The following PPP4R4 variants were observed in gnomAD, a reference collection of about 807,000 sequenced individuals.
PPP4R4 encodes the protein protein phosphatase 4 regulatory subunit 4, also known as serine/threonine-protein phosphatase 4 regulatory subunit 4.
PPP4R4 carries 70 observed loss-of-function variants against 121.8 expected under a neutral mutation model. That is an observed-to-expected ratio of 0.57 (90% CI 0.47 to 0.70). PPP4R4 has a LOEUF of 0.70. PPP4R4 is among the 30% of genes least tolerant of loss of function. PPP4R4 has a pLI of 0.00. For synonymous variants in PPP4R4, 348 were observed against 355.7 expected, an observed-to-expected ratio of 0.98 and a Z score of 0.24; for missense variants, 875 against 1,033.6, an observed-to-expected ratio of 0.85 and a Z score of 2.10.
At chr14:94,277,529 C>G (rs1894711334) in intron 24 of PPP4R4, among the ~76,000 whole-genome samples, 1 of 152,170 alleles carries the variant, frequency 6.6e-6, no homozygotes, top group African/African-American at 2.4e-5. Context: ...AAACCCTCTT[C>G]CTCTGAAAAG....
chr14:94,267,527 A>C (rs770281532), intron 23 of PPP4R4, among the ~76,000 whole-genome samples: 15 of 152,230 alleles, frequency 9.9e-5, no homozygotes, highest in Non-Finnish European at 1.5e-4. Flanking sequence ...TAGACAGTAC[A>C]TAATGAATAG....
intron 12 of PPP4R4, among the ~76,000 whole-genome samples, chr14:94,244,923 A>G (rs2139579696): frequency 6.6e-6 from 1 of 152,276 alleles, no homozygotes; most frequent in Non-Finnish European, 1.5e-5. Context: ...TTTAAAACTT[A>G]GTATATGTAT....
chr14:94,257,642 T>TGCAC (rs10528485), intron 17 of PPP4R4, among the ~76,000 whole-genome samples: 1 of 146,882 alleles, frequency 6.8e-6, no homozygotes, highest in African/African-American at 2.5e-5. Context: ...CATTTAAATC[T>TGCAC]ACACACACAC....
At chr14:94,260,973 A>G (rs1314331571) in intron 19 of PPP4R4, among the ~76,000 whole-genome samples, 2 of 151,940 alleles carry the variant, frequency 1.3e-5, no homozygotes, top group Admixed American at 6.6e-5. Flanking sequence ...TTTCAAGTAC[A>G]TTTTTATATA....
Position 94,230,736 on chromosome 14 carries a change from T to C in PPP4R4, c.442+2T>C, listed in dbSNP as rs1455229140. The stretch of plus-strand genomic sequence containing the variant: ...TGCATCTGGAGCACAGGGACACAGG[T>C]CAGGGGCCTGGCATGCTTAATTATA... On this transcript the variant is annotated splice_donor_variant, in intron 4 of 24. Transcript: ENST00000304338. LOFTEE classifies it high-confidence loss of function. 6 of 1,609,834 alleles carry C rather than the reference T, an allele frequency of 3.7e-6. No individual in the cohort carries two copies. The highest frequency in any genetic ancestry group is 5.1e-6 in the Non-Finnish European group (6 of 1,177,862).
At chr14:94,218,235 A>G (rs1034162687) in intron 3 of PPP4R4, among the ~76,000 whole-genome samples, 1 of 152,132 alleles carries the variant, frequency 6.6e-6, no homozygotes, top group Non-Finnish European at 1.5e-5. Flanking sequence ...GAGAAAGGAG[A>G]AATGGGAAGG....
At chr14:94,211,536 T>TGGG (rs1890738469) in intron 3 of PPP4R4, among the ~76,000 whole-genome samples, 1 of 151,844 alleles carries the variant, frequency 6.6e-6, no homozygotes, top group African/African-American at 2.4e-5. Context: ...CAGTGGATGG[T>TGGG]GTGGGGTGTG....
At position 94,174,595 on chromosome 14, in the gene PPP4R4, G is replaced by T. The variant is rs1335238079; in HGVS notation, c.117+13G>T. 6.2e-7 allele frequency: 1 copy of T among 1,609,876 alleles called. No homozygotes were observed. On this transcript the variant is annotated intron_variant, in intron 1 of 24. Coordinates refer to ENST00000304338, the MANE Select transcript of PPP4R4 (RefSeq NM_058237.2). The stretch of plus-strand genomic sequence containing the variant: ...CCGGAGCCTCAAGGTGCGCCCCGGG[G>T]AGAGGACCTGCCCTCACGGCGTCCG...
At chr14:94,193,715 A>G (rs117705307) in intron 2 of PPP4R4, among the ~76,000 whole-genome samples, 2,301 of 152,290 alleles carry the variant, frequency 0.015, 32 homozygotes, top group Middle Eastern at 0.031. Flanking sequence ...AGGCTTAGCA[A>G]TAGAAAAGTA....
chr14:94,227,261 A>T (rs1891766213), intron 3 of PPP4R4: 1 of 1,566,202 alleles, frequency 6.4e-7, no homozygotes, highest in African/African-American at 1.4e-5. Context: ...GCAATAGAGG[A>T]ATTTACTTTT....
In PPP4R4 at chr14:94,203,755, C is replaced by T. The variant is rs796481947; in HGVS notation, c.192-4709C>T. The stretch of plus-strand genomic sequence containing the variant: ...TTCTGATAAGTGTGTAGTGATATCT[C>T]ATTGTCCTTTTACTTTGTGTTTGCC... On this transcript the variant is annotated intron_variant, in intron 2 of 24. Coordinates refer to ENST00000304338, the MANE Select transcript of PPP4R4 (RefSeq NM_058237.2). Among the ~76,000 whole-genome samples the T allele has an allele frequency of 1.4e-4, 22 of 152,264 alleles. No individual in the cohort carries two copies. In the South Asian group the frequency reaches 2.3e-3, roughly 16 times the overall value.
intron 3 of PPP4R4, among the ~76,000 whole-genome samples, chr14:94,229,373 C>T (rs1439774732): frequency 1.3e-5 from 2 of 151,836 alleles, no homozygotes; most frequent in Non-Finnish European, 2.9e-5. Flanking sequence ...AGGATGACCC[C>T]ACAGTTTTTG....
rs778181112 is a variant in PPP4R4 at position 94,174,555 on chromosome 14, C to A, written c.90C>A (p.Ile30=). Residue 30 remains isoleucine, a synonymous_variant, in exon 1 of 25, where the codon ATC becomes ATA. Transcript: ENST00000304338. The stretch of plus-strand genomic sequence containing the variant: ...AGGACCTGCAGGAGCTCACCATCAT[C>A]GAGAGGCCGGTCCGCCGGAGCCTCA... ...YMEDLQELTI[I]ERPVRRSLKT... The A allele has an allele frequency of 7.4e-6, 12 of 1,612,276 alleles. No individual in the cohort carries two copies. The highest frequency in any genetic ancestry group is 1.7e-4 in the Middle Eastern group (1 of 5,970).
At chr14:94,238,835 T>C (rs1347305822) in intron 8 of PPP4R4, among the ~76,000 whole-genome samples, 1 of 152,210 alleles carries the variant, frequency 6.6e-6, no homozygotes, top group Non-Finnish European at 1.5e-5. Flanking sequence ...GTTTGGAAAT[T>C]CCAGAACAGT....
At chr14:94,217,095 G>T (rs1449279546) in intron 3 of PPP4R4, among the ~76,000 whole-genome samples, 1 of 152,114 alleles carries the variant, frequency 6.6e-6, no homozygotes, top group Non-Finnish European at 1.5e-5. Context: ...CTAAGATGAG[G>T]CTGCACCAAG....
intron 3 of PPP4R4, among the ~76,000 whole-genome samples, chr14:94,211,789 A>G (rs969783375): frequency 1.3e-5 from 2 of 152,312 alleles, no homozygotes; most frequent in South Asian, 2.1e-4. Context: ...AGAGCAGTAG[A>G]CATATCTGAG....
chr14:94,246,274 C>A, intron 13 of PPP4R4, 83 bp from the exon 14 acceptor site: 1 of 1,187,428 alleles, frequency 8.4e-7, no homozygotes, highest in Non-Finnish European at 1.2e-6. Context: ...GTATTCTCTT[C>A]CCCAATGTGT....
intron 2 of PPP4R4, among the ~76,000 whole-genome samples, chr14:94,200,350 C>T (rs1368318233): frequency 5.3e-5 from 8 of 152,170 alleles, no homozygotes; most frequent in Admixed American, 5.2e-4. Flanking sequence ...CCTTATTGCA[C>T]TGGCTCAGAG....
chr14:94,275,096 A>G (rs1168407888), intron 23 of PPP4R4, among the ~76,000 whole-genome samples: 1 of 152,216 alleles, frequency 6.6e-6, no homozygotes, highest in Non-Finnish European at 1.5e-5. Flanking sequence ...TTTATAGTTG[A>G]CAGGAGTGGT....
Sources: gnomAD v4.1 joint callset for allele counts (sites outside exome capture counted in the v4.1 genomes callset) on GRCh38, gnomAD v4.1.1 for gene constraint, MANE v1.5 for transcripts, NCBI Gene and HGNC (gene_info 2026-07-23, HGNC 2026-07-21) for gene names.